The following TTC29 variants were observed in gnomAD, a reference collection of about 807,000 sequenced individuals.
TTC29 encodes tetratricopeptide repeat protein 29.
A neutral mutation model predicts 58.1 loss-of-function variants in TTC29; 49 were observed. The ratio of observed to expected loss-of-function variants is 0.84; its 90% CI spans 0.67 to 1.07. TTC29 has a LOEUF of 1.07. Among genes scored for constraint, TTC29 ranks in the 50% least tolerant of loss-of-function variants. The pLI is 0.00. For synonymous variants in TTC29, 209 were observed against 196.8 expected (o/e 1.06, Z -0.52); for missense variants, 582 against 555.6 (o/e 1.05, Z -0.48).
intron 11 of TTC29, 82 bp downstream of exon 11, chr4:146,803,375 T>G: frequency 9.9e-7 from 1 of 1,013,474 alleles, no homozygotes; most frequent in Non-Finnish European, 1.4e-6. Context: ...TCACCGACAT[T>G]TGAGTGAAAC....
At chr4:146,850,982 T>C (rs1161907542) in intron 8 of TTC29, among the ~76,000 whole-genome samples, 2 of 152,194 alleles carry the variant, frequency 1.3e-5, no homozygotes, top group Non-Finnish European at 2.9e-5. Context: ...TACTATTCCA[T>C]TGGAATTTTC....
chr4:146,919,817 C>T (rs1734466956), intron 4 of TTC29, among the ~76,000 whole-genome samples: 1 of 151,054 alleles, frequency 6.6e-6, no homozygotes, highest in East Asian at 1.9e-4. Context: ...AGGGAAATAT[C>T]AAACTTTTAT....
At position 146,895,576 on chromosome 4, in the gene TTC29, C is replaced by T. The variant is rs977879528; in HGVS notation, c.586+7968G>A. ...GATCTTTGAACTCTATGAGGAAGCT[C>T]ACAGGAGCAAGCAGTGAGCCTGTAC... On this transcript the variant is annotated intron_variant, in intron 6 of 12. Coordinates refer to ENST00000325106, the MANE Select transcript of TTC29 (RefSeq NM_031956.4). Among the ~76,000 whole-genome samples the T allele has an allele frequency of 2.6e-5, 4 of 152,240 alleles. No homozygotes were observed. In the South Asian group the frequency reaches 8.3e-4, roughly 32 times the overall value.
At chr4:146,825,663 T>C (rs1366027309) in intron 9 of TTC29, among the ~76,000 whole-genome samples, 2 of 152,158 alleles carry the variant, frequency 1.3e-5, no homozygotes, top group Non-Finnish European at 2.9e-5. Context: ...TTCTTGTTAA[T>C]TTTCTGTCTC....
Position 146,757,935 on chromosome 4 carries a change from C to T in TTC29, c.1330+45522G>A, listed in dbSNP as rs186240421. Among the ~76,000 whole-genome samples, 580 of 147,978 alleles carry T rather than the reference C, an allele frequency of 3.9e-3. 3 individuals carry two copies. The highest frequency in any genetic ancestry group is 0.013 in the African/African-American group (549 of 40,738). ...AGCGAAAACCAAAACCAAAAAAAAA[C>T]AAAAACAAAATACACAGGCAACAAA... is the stretch of plus-strand genomic sequence containing the variant. On this transcript the variant is annotated intron_variant, in intron 11 of 12. Transcript: ENST00000325106.
chr4:146,816,474 G>A (rs1441921989), intron 10 of TTC29, among the ~76,000 whole-genome samples: 2 of 152,070 alleles, frequency 1.3e-5, no homozygotes, highest in African/African-American at 2.4e-5. Flanking sequence ...CCTGAGCACA[G>A]CTAGAGCAAC....
rs10001515 is a variant in TTC29, at chr4:146,751,074, G to A, written c.1331-43523C>T. 4.3e-3 allele frequency among the ~76,000 whole-genome samples: 649 copies of A among 152,162 alleles called. 9 individuals are homozygous for A. The highest frequency in any genetic ancestry group is 0.014 in the African/African-American group (585 of 41,524). ...GAGCAGGAGTGACTACACTTATATT[G>A]GATAAGATAGACTTCAAGTCAAAAA... On this transcript the variant is annotated intron_variant, in intron 11 of 12. Transcript: ENST00000325106.
chr4:146,839,181 A>T (rs1728692446), intron 8 of TTC29, among the ~76,000 whole-genome samples: 1 of 152,154 alleles, frequency 6.6e-6, no homozygotes, highest in East Asian at 1.9e-4. Flanking sequence ...AATGACATTG[A>T]TATATACCCA....
At chr4:146,826,116 G>T (rs537931539) in intron 9 of TTC29, among the ~76,000 whole-genome samples, 7 of 152,198 alleles carry the variant, frequency 4.6e-5, no homozygotes, top group African/African-American at 1.7e-4. Flanking sequence ...TACATTTAAG[G>T]TTAGTGTTGT....
intron 6 of TTC29, among the ~76,000 whole-genome samples, chr4:146,892,623 C>A (rs1185674745): frequency 6.6e-6 from 1 of 152,158 alleles, no homozygotes; most frequent in Admixed American, 6.5e-5. Context: ...AAAACTGGTA[C>A]AAGATAGGGA....
intron 11 of TTC29, among the ~76,000 whole-genome samples, chr4:146,755,923 T>A (rs1480148845): frequency 1.3e-5 from 2 of 152,130 alleles, no homozygotes; most frequent in Non-Finnish European, 2.9e-5. Context: ...TATTATAGGT[T>A]ACTAAAATTC....
At chr4:146,828,925 G>A (rs1262885200) in intron 9 of TTC29, among the ~76,000 whole-genome samples, 2 of 152,136 alleles carry the variant, frequency 1.3e-5, no homozygotes, top group Non-Finnish European at 2.9e-5. Flanking sequence ...AAAAGTTAGT[G>A]ACAGATTTAG....
chr4:146,736,615 C>T (rs560474558), intron 11 of TTC29, among the ~76,000 whole-genome samples: 54 of 152,216 alleles, frequency 3.5e-4, no homozygotes, highest in African/African-American at 1.2e-3. Context: ...CTCCCAGCAA[C>T]GACTACTGAG....
intron 10 of TTC29, among the ~76,000 whole-genome samples, chr4:146,818,632 C>T (rs187706095): frequency 8.2e-4 from 125 of 152,290 alleles, no homozygotes; most frequent in African/African-American, 2.8e-3. Flanking sequence ...GACACATGCA[C>T]TCGTATGTTT....
At chr4:146,787,897 C>CT (rs11427951) in intron 11 of TTC29, among the ~76,000 whole-genome samples, 97,534 of 148,948 alleles carry the variant, frequency 0.65, 33,260 homozygotes, top group African/African-American at 0.87. Flanking sequence ...AATCTGCCCC[C>CT]TTTTTTTTTT....
At chr4:146,819,785 G>A (rs1751691775) in intron 10 of TTC29, among the ~76,000 whole-genome samples, 1 of 152,138 alleles carries the variant, frequency 6.6e-6, no homozygotes, top group African/African-American at 2.4e-5. Flanking sequence ...GCAGATAATA[G>A]CCAACAGTTA....
At chr4:146,734,276 TG>T (rs1488007112) in intron 11 of TTC29, among the ~76,000 whole-genome samples, 3 of 152,106 alleles carry the variant, frequency 2.0e-5, no homozygotes, top group Non-Finnish European at 4.4e-5. Context: ...AATTATAAAT[TG>T]GGGGAGCTTC....
chr4:146,909,050 T>C lies in TTC29; in HGVS notation c.376A>G (p.Arg126Gly). The C allele has an allele frequency of 6.2e-7, 1 of 1,613,850 alleles. No homozygotes were observed. Among genetic ancestry groups the C allele is most frequent in the Middle Eastern group, 1.7e-4 (1 of 6,052 alleles). Residue 126 changes from arginine to glycine, a missense_variant, in exon 5 of 13, where the codon AGG becomes GGG. Transcript: ENST00000325106. ...KLDYLYHYLT[R>G]AEDAERKESF... is the part of the protein sequence containing the mutation. ...CCTTTCCTCTCAGCGTCCTCAGCCC[T>C]GGTCAGGTAATGGTACAGGTAATCC...
intron 6 of TTC29, among the ~76,000 whole-genome samples, chr4:146,888,641 G>A (rs535098184): frequency 1.6e-4 from 24 of 152,250 alleles, no homozygotes; most frequent in Middle Eastern, 6.8e-3. Context: ...TGAAGGACTA[G>A]AATTTTTTTT....
Sources: gnomAD v4.1 joint callset for allele counts (sites outside exome capture counted in the v4.1 genomes callset) on GRCh38, gnomAD v4.1.1 for gene constraint, MANE v1.5 for transcripts, NCBI Gene and HGNC (gene_info 2026-07-23, HGNC 2026-07-21) for gene names.